Variants in DAAM1 observed in about 807,000 individuals in gnomAD.
The protein encoded by DAAM1 is dishevelled associated activator of morphogenesis 1.
In DAAM1, 52 loss-of-function variants were observed where a neutral mutation model predicts 130.0. The observed-to-expected ratio is 0.40, with a 90% CI of 0.32 to 0.50. DAAM1 has a LOEUF of 0.50. DAAM1 is among the 20% of genes least tolerant of loss of function. The pLI is 0.61. For missense variants in DAAM1, 1,134 were observed against 1,303.8 expected, an observed-to-expected ratio of 0.87 and a Z score of 2.01; for synonymous variants, 452 against 444.5, an observed-to-expected ratio of 1.02 and a Z score of -0.21.
chr14:59,323,155 G>A lies in DAAM1; in HGVS notation c.704G>A (p.Gly235Glu). ...TTGGGCGCCGTGTGCCTGGTTCCCG[G>A]GGGCCACAAGAAGGTTCTGCAGGCC... is the stretch of plus-strand genomic sequence containing the variant. Reference protein sequence around the residue: ...EILGAVCLVPGGHKKVLQAML... With the variant: ...EILGAVCLVPEGHKKVLQAML... The change falls in exon 6 of 25, where the codon GGG becomes GAG. Residue 235 changes from glycine (G) to glutamate (E), a missense_variant. Gly to Glu is a moderately conservative substitution (Grantham distance 98). Transcript: ENST00000360909. 6.2e-7 allele frequency: 1 copy of A among 1,613,774 alleles called. No homozygotes were observed. Among genetic ancestry groups the A allele is most frequent in the Non-Finnish European group, 8.5e-7 (1 of 1,179,876 alleles).
At position 59,355,191 on chromosome 14, in the gene DAAM1, T is replaced by C; in HGVS notation, c.2383T>C (p.Phe795Leu). ...AATTCGTTCTGGCTCAGAAGAGGTGTTTAGGAGTGGTGCCCTCAAGCAGTT... is the reference window on the plus strand; with the variant it reads ...AATTCGTTCTGGCTCAGAAGAGGTGCTTAGGAGTGGTGCCCTCAAGCAGTT... ...EAIRSGSEEV[F>L]RSGALKQLLE... Residue 795 changes from phenylalanine to leucine, a missense_variant, in exon 20 of 25, where the codon TTT becomes CTT. Physicochemically the swap from Phe to Leu is conservative, Grantham distance 22. Around this residue, in one of 3 missense-constraint regions of DAAM1, gnomAD observed 644 missense variants for 695.9 expected, o/e 0.93. Transcript: ENST00000360909. 6.2e-7 allele frequency: 1 copy of C among 1,614,062 alleles called. No individual in the cohort carries two copies. Among genetic ancestry groups the C allele is most frequent in the Non-Finnish European group, 8.5e-7 (1 of 1,179,952 alleles).
chr14:59,320,942 CAAT>C (rs1884982111), intron 5 of DAAM1, among the ~76,000 whole-genome samples: 1 of 152,094 alleles, frequency 6.6e-6, no homozygotes, highest in Non-Finnish European at 1.5e-5. Flanking sequence ...CCATATGACT[CAAT>C]AATTCTGCTC....
chr14:59,272,549 C>T (rs1455267073), intron 2 of DAAM1, among the ~76,000 whole-genome samples: 1 of 151,760 alleles, frequency 6.6e-6, no homozygotes, highest in Non-Finnish European at 1.5e-5. Flanking sequence ...TGCACTCCAG[C>T]CTGGGCAGCA....
At chr14:59,324,717 G>T (rs1182027062) in intron 8 of DAAM1, among the ~76,000 whole-genome samples, 1 of 152,104 alleles carries the variant, frequency 6.6e-6, no homozygotes, top group Non-Finnish European at 1.5e-5. Context: ...TTATTCCTGT[G>T]TATCCTGGTG....
chr14:59,320,331 C>A, intron 4 of DAAM1, among the ~76,000 whole-genome samples, 159 bp from the exon 5 acceptor site: 1 of 152,174 alleles, frequency 6.6e-6, no homozygotes, highest in East Asian at 1.9e-4. Flanking sequence ...AAACTTTTCC[C>A]TAAGGCTTTA....
intron 11 of DAAM1, 131 bp downstream of exon 11, chr14:59,326,779 G>C: frequency 6.7e-7 from 1 of 1,498,964 alleles, no homozygotes; most frequent in Non-Finnish European, 9.1e-7. Flanking sequence ...CTGTACACAT[G>C]CACTATAGCT....
chr14:59,297,849 T>A (rs1314344400), intron 3 of DAAM1, among the ~76,000 whole-genome samples: 2 of 152,338 alleles, frequency 1.3e-5, no homozygotes, highest in East Asian at 3.9e-4. Flanking sequence ...TATATAGGGT[T>A]CAGTACTATC....
At chr14:59,195,049 G>C (rs1248042653) in intron 1 of DAAM1, among the ~76,000 whole-genome samples, 2 of 151,472 alleles carry the variant, frequency 1.3e-5, no homozygotes, top group African/African-American at 2.4e-5. Context: ...CAAAAGGCTT[G>C]TTAGCCATTA....
chr14:59,342,918 G>C (rs542290297), intron 16 of DAAM1, among the ~76,000 whole-genome samples: 1 of 152,318 alleles, frequency 6.6e-6, no homozygotes, highest in South Asian at 2.1e-4. Context: ...ACAGTTAGTA[G>C]AGAGCCCTGC....
chr14:59,310,124 T>C (rs1275310399), intron 3 of DAAM1, among the ~76,000 whole-genome samples: 1 of 151,406 alleles, frequency 6.6e-6, no homozygotes, highest in Non-Finnish European at 1.5e-5. Context: ...TTTTTTTTTT[T>C]TTTTGAGACA....
intron 6 of DAAM1, among the ~76,000 whole-genome samples, chr14:59,323,880 A>C (rs1885108840): frequency 1.3e-5 from 2 of 151,982 alleles, no homozygotes; most frequent in African/African-American, 4.8e-5. Flanking sequence ...AAAATACAAA[A>C]AATTAGCTGG....
intron 1 of DAAM1, among the ~76,000 whole-genome samples, chr14:59,245,958 G>A (rs1315349757): frequency 1.3e-5 from 2 of 152,126 alleles, no homozygotes; most frequent in Non-Finnish European, 2.9e-5. Flanking sequence ...TTTCTAGAAA[G>A]ACAAAATGAG....
intron 2 of DAAM1, among the ~76,000 whole-genome samples, chr14:59,278,216 G>A (rs1397962982): frequency 6.6e-6 from 1 of 152,094 alleles, no homozygotes; most frequent in Non-Finnish European, 1.5e-5. Flanking sequence ...AATGACATAG[G>A]CATCACGAGG....
chr14:59,329,716 A>G (rs952070351), intron 12 of DAAM1, among the ~76,000 whole-genome samples: 3 of 152,174 alleles, frequency 2.0e-5, no homozygotes, highest in East Asian at 1.9e-4. Context: ...TTCATTGGCA[A>G]TGTGAATATG....
chr14:59,262,406 C>T (rs1882207562), intron 1 of DAAM1, among the ~76,000 whole-genome samples: 1 of 151,802 alleles, frequency 6.6e-6, no homozygotes, highest in African/African-American at 2.4e-5. Context: ...TTAAAACATA[C>T]CCTCTATCAT....
At chr14:59,359,596 TA>T in intron 21 of DAAM1, 92 bp downstream of exon 21, 1 of 879,220 alleles carries the variant, frequency 1.1e-6, no homozygotes, top group Non-Finnish European at 1.8e-6. Context: ...TCAGTCCTTC[TA>T]TTTGTTTTCC....
intron 1 of DAAM1, among the ~76,000 whole-genome samples, chr14:59,213,241 C>T (rs1422977368): frequency 6.6e-6 from 1 of 151,558 alleles, no homozygotes; most frequent in East Asian, 1.9e-4. Context: ...GAGACCCCTC[C>T]CTTCCCCCGT....
chr14:59,338,799 T>A (rs1433418976), intron 15 of DAAM1, among the ~76,000 whole-genome samples: 1 of 152,166 alleles, frequency 6.6e-6, no homozygotes, highest in Non-Finnish European at 1.5e-5. Context: ...TGAAAAAGGC[T>A]TGATGGTGTA....
chr14:59,218,559 G>A (rs556793766), intron 1 of DAAM1, among the ~76,000 whole-genome samples: 1 of 152,188 alleles, frequency 6.6e-6, no homozygotes, highest in African/African-American at 2.4e-5. Flanking sequence ...TATGTAAATA[G>A]TTATTATCTA....
Sources: gnomAD v4.1 joint callset for allele counts (sites outside exome capture counted in the v4.1 genomes callset) on GRCh38, gnomAD v4.1.1 for gene constraint, gnomAD v4.1.1 regional missense constraint, MANE v1.5 for transcripts, NCBI Gene and HGNC (gene_info 2026-07-23, HGNC 2026-07-21) for gene names.